RNF138: variants seen among roughly 807,000 people sequenced by gnomAD.
RNF138 encodes E3 ubiquitin-protein ligase RNF138.
RNF138 carries 12 observed loss-of-function variants against 31.0 expected under a neutral mutation model. The observed-to-expected ratio is 0.39, with a 90% CI of 0.25 to 0.63. The LOEUF (loss-of-function observed/expected upper bound fraction) is 0.63. RNF138 is among the 20% of genes least tolerant of loss of function. The probability of loss-of-function intolerance (pLI) is 0.52; values close to 1 mark genes in which losing one functional copy is unlikely to be tolerated. For missense variants in RNF138, 192 were observed against 300.1 expected (o/e 0.64, Z 2.66); for synonymous variants, 105 against 99.5 (o/e 1.06, Z -0.33).
chr18:32,106,323 A>G (rs918425967), intron 2 of RNF138, among the ~76,000 whole-genome samples: 1 of 152,166 alleles, frequency 6.6e-6, no homozygotes, highest in African/African-American at 2.4e-5. Flanking sequence ...CATATGTTAC[A>G]TTATATCAGA....
intron 2 of RNF138, among the ~76,000 whole-genome samples, chr18:32,107,708 G>A (rs1307965312): frequency 6.7e-6 from 1 of 149,184 alleles, no homozygotes; most frequent in East Asian, 2.1e-4. Flanking sequence ...TAGTCAAGAC[G>A]GGGTTTCACC....
intron 2 of RNF138, among the ~76,000 whole-genome samples, chr18:32,093,273 C>G (rs370639399): frequency 6.6e-6 from 1 of 152,098 alleles, no homozygotes; most frequent in African/African-American, 2.4e-5. Context: ...CTTTTTGTTT[C>G]TTAGCAACCC....
intron 2 of RNF138, among the ~76,000 whole-genome samples, chr18:32,108,463 A>G (rs2040073315): frequency 6.6e-6 from 1 of 152,164 alleles, no homozygotes; most frequent in African/African-American, 2.4e-5. Flanking sequence ...TCAACATTAT[A>G]TCATTATGTT....
At chr18:32,102,814 A>G (rs957915025) in intron 2 of RNF138, among the ~76,000 whole-genome samples, 1 of 151,964 alleles carries the variant, frequency 6.6e-6, no homozygotes, top group African/African-American at 2.4e-5. Context: ...TATTTTCAGT[A>G]GAGACGGGGT....
rs1254001831 is a variant in RNF138 at position 32,092,531 on chromosome 18, TC to T, written c.-77-164del. 1.2e-4 allele frequency: 58 copies of T among 493,330 alleles called. No individual in the cohort carries two copies. In the East Asian group the frequency reaches 2.3e-3, roughly 19 times the overall value. The allele number at this position is 493,330 out of a possible 1,614,324, so 30.6% of individuals were successfully genotyped here. A position where few individuals can be genotyped will look rare whatever the true frequency, so the allele number is the denominator to read the frequency against. ...GAGCCCAGCCTCCCGCCAAGCACCGTCCCCCATCCAGCCCCCTGTGGGAGGA... is the reference window on the plus strand; with the variant it reads ...GAGCCCAGCCTCCCGCCAAGCACCGTCCCCATCCAGCCCCCTGTGGGAGGA... On this transcript the variant is annotated intron_variant, in intron 1 of 7. Coordinates refer to ENST00000261593, the MANE Select transcript of RNF138 (RefSeq NM_016271.5).
chr18:32,117,591 C>T (rs114281363), intron 4 of RNF138, among the ~76,000 whole-genome samples: 2,446 of 152,292 alleles, frequency 0.016, 34 homozygotes, highest in African/African-American at 0.041. Context: ...ACACACTCCA[C>T]GTTATGAATA....
intron 2 of RNF138, among the ~76,000 whole-genome samples, chr18:32,095,835 G>A (rs1056454151): frequency 2.2e-4 from 33 of 152,222 alleles, no homozygotes; most frequent in African/African-American, 7.5e-4. Flanking sequence ...TGTTTCTCTG[G>A]AGACTTAATA....
At chr18:32,127,047 T>A (rs1323506733) in intron 7 of RNF138, among the ~76,000 whole-genome samples, 3 of 152,080 alleles carry the variant, frequency 2.0e-5, no homozygotes, top group Non-Finnish European at 2.9e-5. Flanking sequence ...GCACCCAGAT[T>A]AACAAAATGA....
chr18:32,124,892 C>G, intron 6 of RNF138, 47 bp downstream of exon 6: 1 of 949,594 alleles, frequency 1.1e-6, no homozygotes, highest in Non-Finnish European at 1.7e-6. Flanking sequence ...ATAAAACATG[C>G]TGTTCTATTT....
intron 4 of RNF138, among the ~76,000 whole-genome samples, chr18:32,120,204 T>G (rs2040281316): frequency 6.6e-6 from 1 of 152,156 alleles, no homozygotes; most frequent in South Asian, 2.1e-4. Flanking sequence ...TCTTTTAGTT[T>G]TACAGTTTAT....
At chr18:32,096,316 G>C (rs1431622147) in intron 2 of RNF138, among the ~76,000 whole-genome samples, 1 of 152,128 alleles carries the variant, frequency 6.6e-6, no homozygotes. Context: ...TGATGTGTCA[G>C]GGAGAGAAAT....
At chr18:32,121,990 T>C (rs1047439877) in intron 4 of RNF138, among the ~76,000 whole-genome samples, 3 of 152,110 alleles carry the variant, frequency 2.0e-5, no homozygotes, top group Non-Finnish European at 2.9e-5. Flanking sequence ...TGCCTCAGCC[T>C]CCCGAGTAGT....
At chr18:32,101,795 A>C (rs1328189739) in intron 2 of RNF138, among the ~76,000 whole-genome samples, 1 of 152,146 alleles carries the variant, frequency 6.6e-6, no homozygotes, top group East Asian at 1.9e-4. Context: ...ATGCTATTTT[A>C]ATACAGTTCA....
chr18:32,098,275 G>T (rs1335166203), intron 2 of RNF138, among the ~76,000 whole-genome samples: 1 of 152,020 alleles, frequency 6.6e-6, no homozygotes, highest in African/African-American at 2.4e-5. Flanking sequence ...CAAAGTGCTA[G>T]GATTACAGGT....
At chr18:32,098,488 G>A (rs891811918) in intron 2 of RNF138, among the ~76,000 whole-genome samples, 11 of 152,206 alleles carry the variant, frequency 7.2e-5, no homozygotes, top group Admixed American at 2.6e-4. Flanking sequence ...TGTTACTTGA[G>A]TAGTTATGCT....
At chr18:32,106,506 C>T (rs751413015) in intron 2 of RNF138, among the ~76,000 whole-genome samples, 4 of 152,042 alleles carry the variant, frequency 2.6e-5, no homozygotes, top group South Asian at 2.1e-4. Flanking sequence ...TTTACTTCCT[C>T]TCTGGAAGAT....
At chr18:32,113,224 A>AT (rs2040162592) in intron 3 of RNF138, among the ~76,000 whole-genome samples, 1 of 151,920 alleles carries the variant, frequency 6.6e-6, no homozygotes. Flanking sequence ...CACCTGGCTA[A>AT]TTTTTGTATT....
intron 2 of RNF138, among the ~76,000 whole-genome samples, chr18:32,106,934 CCTTCA>C (rs1190154400): frequency 7.2e-5 from 11 of 151,850 alleles, no homozygotes; most frequent in African/African-American, 2.7e-4. Flanking sequence ...TTGTACAGGT[CCTTCA>C]CTTGTCTCTA....
Position 32,111,939 on chromosome 18 carries a change from T to C in RNF138, c.276+20T>C, listed in dbSNP as rs866983722. 40 of 1,557,732 alleles carry C rather than the reference T, an allele frequency of 2.6e-5. 2 individuals carry two copies. The Middle Eastern group carries it at 6.7e-3, about 261-fold the overall frequency. Reference sequence around the variant, plus strand: ...AAACAGGTAGAGTAAATGTGACATCTCTCTTCTTTGGAAGCCAAGTTTCTA... The same window carrying C: ...AAACAGGTAGAGTAAATGTGACATCCCTCTTCTTTGGAAGCCAAGTTTCTA... On this transcript the variant is annotated intron_variant, in intron 3 of 7. Transcript: ENST00000261593.
Sources: allele counts gnomAD v4.1 joint callset (sites outside exome capture counted in the v4.1 genomes callset), GRCh38; gene constraint gnomAD v4.1.1; transcripts MANE v1.5; gene names NCBI Gene and HGNC (gene_info 2026-07-23, HGNC 2026-07-21).